The following CDH13 variants were observed in gnomAD, a reference collection of about 807,000 sequenced individuals.
CDH13 encodes the protein cadherin-13.
CDH13 carries 24 observed loss-of-function variants against 63.8 expected under a neutral mutation model. The observed-to-expected ratio is 0.38, with a 90% CI of 0.27 to 0.53. The LOEUF is 0.53. Ranked by LOEUF, CDH13 falls within the 20% of genes least tolerant of loss-of-function variation. The pLI, the probability that CDH13 is intolerant of heterozygous loss-of-function variation, is 0.85. For missense variants in CDH13, 1,049 were observed against 903.1 expected (o/e 1.16, Z -2.07); for synonymous variants, 503 against 355.3 (o/e 1.42, Z -4.67).
intron 5 of CDH13, among the ~76,000 whole-genome samples, chr16:83,222,465 T>C (rs962794304): frequency 6.6e-6 from 1 of 152,182 alleles, no homozygotes; most frequent in African/African-American, 2.4e-5. Flanking sequence ...TATAAGACGA[T>C]TGGGAGATAT....
intron 5 of CDH13, among the ~76,000 whole-genome samples, chr16:83,324,339 C>T (rs1429454152): frequency 6.6e-6 from 1 of 152,190 alleles, no homozygotes; most frequent in Non-Finnish European, 1.5e-5. Flanking sequence ...CCGGCCTCTG[C>T]AGTCAGTTTT....
intron 9 of CDH13, among the ~76,000 whole-genome samples, chr16:83,676,259 C>T (rs1424916893): frequency 6.6e-6 from 1 of 152,160 alleles, no homozygotes; most frequent in Non-Finnish European, 1.5e-5. Flanking sequence ...CATACGTCTC[C>T]GGCTGTGGAG....
intron 2 of CDH13, among the ~76,000 whole-genome samples, chr16:82,863,717 C>G (rs1567611462): frequency 1.3e-5 from 2 of 152,156 alleles, no homozygotes; most frequent in African/African-American, 4.8e-5. Context: ...TCATAGACCT[C>G]AGCTAGATCC....
At position 82,644,795 on chromosome 16, in the gene CDH13, A is replaced by T. The variant is rs1909886980; in HGVS notation, c.45+17658A>T. 2.6e-5 allele frequency among the ~76,000 whole-genome samples: 4 copies of T among 152,182 alleles called. No individual in the cohort carries two copies. The South Asian group carries it at 8.3e-4, about 31-fold the overall frequency. On this transcript the variant is annotated intron_variant, in intron 1 of 13. Coordinates refer to ENST00000567109, the MANE Select transcript of CDH13 (RefSeq NM_001257.5). This position sits in a 1 kb window ranked among gnomAD's most constrained non-coding sequence, Gnocchi z 5.7. ...TAGCAACAGGAGATCACGCAAAGCC[A>T]CGTAAGTGTCTGATTCAGTCCTCCC...
intron 3 of CDH13, among the ~76,000 whole-genome samples, chr16:83,091,477 CTG>C (rs2033908096): frequency 6.6e-6 from 1 of 152,146 alleles, no homozygotes; most frequent in South Asian, 2.1e-4. Flanking sequence ...TACAGAGAAA[CTG>C]TATAATTCTG....
At chr16:83,707,556 A>G (rs1253452513) in intron 10 of CDH13, among the ~76,000 whole-genome samples, 1 of 152,088 alleles carries the variant, frequency 6.6e-6, no homozygotes, top group Non-Finnish European at 1.5e-5. Flanking sequence ...TTCACTTTAA[A>G]ACAAATATTA....
chr16:83,793,787 G>C (rs1674928795), intron 13 of CDH13, among the ~76,000 whole-genome samples: 1 of 148,656 alleles, frequency 6.7e-6, no homozygotes, highest in Non-Finnish European at 1.5e-5. Context: ...ACTCCAGCCT[G>C]AGCAACAAAG....
At chr16:82,919,584 C>T (rs958250483) in intron 2 of CDH13, among the ~76,000 whole-genome samples, 4 of 152,166 alleles carry the variant, frequency 2.6e-5, no homozygotes, top group African/African-American at 9.7e-5. Context: ...TGTACTTGTA[C>T]CACATTTTCT....
chr16:83,248,674 A>T (rs576156123), intron 5 of CDH13, among the ~76,000 whole-genome samples: 5 of 152,120 alleles, frequency 3.3e-5, no homozygotes, highest in African/African-American at 1.2e-4. Context: ...CTTCTCTTTC[A>T]TGAACTTCTC....
chr16:83,315,523 A>G (rs909289412), intron 5 of CDH13, among the ~76,000 whole-genome samples: 3 of 152,048 alleles, frequency 2.0e-5, no homozygotes, highest in African/African-American at 7.2e-5. Context: ...ATTGTCTGGT[A>G]TGATAGTAAC....
At chr16:83,625,137 G>A (rs1910170576) in intron 8 of CDH13, among the ~76,000 whole-genome samples, 1 of 143,730 alleles carries the variant, frequency 7.0e-6, no homozygotes. Flanking sequence ...TATGGTGTTT[G>A]CCCACCTAAA....
At chr16:83,485,198 G>A (rs1374963180) in intron 6 of CDH13, among the ~76,000 whole-genome samples, 3 of 152,198 alleles carry the variant, frequency 2.0e-5, no homozygotes, top group South Asian at 4.1e-4. Context: ...CACCTTGACA[G>A]ATAATTCAGC....
intron 1 of CDH13, among the ~76,000 whole-genome samples, chr16:82,705,873 T>C (rs2031444366): frequency 6.6e-6 from 1 of 152,204 alleles, no homozygotes; most frequent in Admixed American, 6.5e-5. Context: ...AAGGGGTAGA[T>C]GCTTTTACAA....
At chr16:82,809,661 A>T (rs182160994) in intron 1 of CDH13, among the ~76,000 whole-genome samples, 164 of 152,262 alleles carry the variant, frequency 1.1e-3, no homozygotes, top group Admixed American at 8.5e-4. Flanking sequence ...AGCAACATAA[A>T]GGTATTAAAG....
chr16:83,625,399 A>G (rs1246849894), intron 8 of CDH13, among the ~76,000 whole-genome samples: 1 of 152,078 alleles, frequency 6.6e-6, no homozygotes, highest in Non-Finnish European at 1.5e-5. Flanking sequence ...ATACAGTTGG[A>G]GGGTCACCCA....
intron 7 of CDH13, among the ~76,000 whole-genome samples, chr16:83,543,007 C>G (rs2075321878): frequency 6.6e-6 from 1 of 152,228 alleles, no homozygotes. Context: ...GCTGGTCTAG[C>G]AACCCCAGCT....
intron 7 of CDH13, among the ~76,000 whole-genome samples, chr16:83,526,313 T>A (rs2074957892): frequency 6.6e-6 from 1 of 152,194 alleles, no homozygotes; most frequent in Non-Finnish European, 1.5e-5. Context: ...TGTTGTAGCC[T>A]CAATCAATAG....
chr16:83,271,016 A>C (rs2088790148), intron 5 of CDH13, among the ~76,000 whole-genome samples: 2 of 140,290 alleles, frequency 1.4e-5, no homozygotes, highest in Admixed American at 7.3e-5. Context: ...CCTCCCCCTC[A>C]CTCTAAGTGC....
chr16:83,082,259 C>A (rs566848200), intron 3 of CDH13, among the ~76,000 whole-genome samples: 1 of 152,276 alleles, frequency 6.6e-6, no homozygotes, highest in Admixed American at 6.5e-5. Context: ...AAAATGTATT[C>A]ATTGCATCTC....
Sources: allele counts gnomAD v4.1 joint callset (sites outside exome capture counted in the v4.1 genomes callset), GRCh38; gene constraint gnomAD v4.1.1; non-coding constraint Gnocchi (gnomAD v3.1); transcripts MANE v1.5; gene names NCBI Gene and HGNC (gene_info 2026-07-23, HGNC 2026-07-21).